The following TRIQK variants were observed in gnomAD, a reference collection of about 807,000 sequenced individuals.
The protein encoded by TRIQK is triple QxxK/R motif containing.
TRIQK carries 10 observed loss-of-function variants against 10.8 expected under a neutral mutation model. The ratio of observed to expected loss-of-function variants is 0.92; its 90% confidence interval spans 0.57 to 1.57. The LOEUF is 1.57. TRIQK is among the 40% of genes most tolerant of loss of function. The pLI, the probability that TRIQK is intolerant of heterozygous loss-of-function variation, is 0.00. For missense variants in TRIQK, 107 were observed against 97.7 expected, an observed-to-expected ratio of 1.09 and a Z score of -0.40; for synonymous variants, 33 against 33.7, an observed-to-expected ratio of 0.98 and a Z score of 0.07.
chr8:92,907,382 A>G (rs1809331697), intron 3 of TRIQK, among the ~76,000 whole-genome samples: 1 of 152,178 alleles, frequency 6.6e-6, no homozygotes, highest in Admixed American at 6.5e-5. Context: ...ATAGCTACCA[A>G]TTCAAGCAAA....
intron 4 of TRIQK, 47 bp from the exon 5 acceptor site, chr8:92,886,782 G>T: frequency 9.4e-7 from 1 of 1,058,486 alleles, no homozygotes; most frequent in Non-Finnish European, 1.4e-6. Context: ...AAAAAGATTG[G>T]TTAACATTAT....
chr8:93,003,965 G>T (rs1586529017), intron 1 of TRIQK, among the ~76,000 whole-genome samples: 1 of 152,216 alleles, frequency 6.6e-6, no homozygotes, highest in Non-Finnish European at 1.5e-5. Context: ...CTTGCAGGGT[G>T]CAGCCCCCAC....
At chr8:92,991,525 A>G (rs1300718614) in intron 1 of TRIQK, among the ~76,000 whole-genome samples, 1 of 152,148 alleles carries the variant, frequency 6.6e-6, no homozygotes, top group African/African-American at 2.4e-5. Context: ...AAGAGCTATT[A>G]ATGACAAACC....
intron 3 of TRIQK, among the ~76,000 whole-genome samples, chr8:92,914,956 A>C (rs1366412368): frequency 6.6e-6 from 1 of 152,210 alleles, no homozygotes; most frequent in African/African-American, 2.4e-5. Flanking sequence ...TATGGAAACA[A>C]CCTAAGTGTC....
At chr8:92,898,421 C>T (rs1808724023) in intron 3 of TRIQK, among the ~76,000 whole-genome samples, 1 of 152,132 alleles carries the variant, frequency 6.6e-6, no homozygotes, top group South Asian at 2.1e-4. Context: ...GCAGATATTA[C>T]TGAGATTCAC....
chr8:92,917,443 A>T (rs1489100382), intron 2 of TRIQK, among the ~76,000 whole-genome samples: 1 of 152,020 alleles, frequency 6.6e-6, no homozygotes, highest in African/African-American at 2.4e-5. Flanking sequence ...AGTATTTTGT[A>T]TTTTATTTTA....
At chr8:92,969,421 A>G (rs1272567333), upstream of TRIQK, among the ~76,000 whole-genome samples, 1 of 152,102 alleles carries the variant, frequency 6.6e-6, no homozygotes. Flanking sequence ...AAAATTATTG[A>G]CACATATATT....
At chr8:92,979,396 T>G (rs1812963352) in intron 1 of TRIQK, among the ~76,000 whole-genome samples, 1 of 152,132 alleles carries the variant, frequency 6.6e-6, no homozygotes, top group Non-Finnish European at 1.5e-5. Context: ...TTGTTTTCAC[T>G]GTGAAGAATT....
At chr8:92,979,332 G>A (rs62520825) in intron 1 of TRIQK, among the ~76,000 whole-genome samples, 15,399 of 152,128 alleles carry the variant, frequency 0.1, 1,841 homozygotes, top group African/African-American at 0.28. Flanking sequence ...CTCTCTGGAA[G>A]ATGCAGTTTG....
At chr8:92,907,326 G>A (rs1469760023) in intron 3 of TRIQK, among the ~76,000 whole-genome samples, 1 of 152,084 alleles carries the variant, frequency 6.6e-6, no homozygotes, top group East Asian at 1.9e-4. Flanking sequence ...TTTGTGAATG[G>A]TTTCTTCCAA....
intron 1 of TRIQK, among the ~76,000 whole-genome samples, chr8:92,990,446 C>T (rs997542935): frequency 6.6e-6 from 1 of 152,022 alleles, no homozygotes; most frequent in Non-Finnish European, 1.5e-5. Context: ...AAGAAGATCA[C>T]GTAGTTGTCG....
At chr8:92,947,611 A>G (rs967706186) in intron 2 of TRIQK, among the ~76,000 whole-genome samples, 2 of 142,100 alleles carry the variant, frequency 1.4e-5, no homozygotes, top group African/African-American at 5.3e-5. Flanking sequence ...AAAAAAAAAA[A>G]GCCTTCATTT....
intron 2 of TRIQK, among the ~76,000 whole-genome samples, chr8:92,921,023 C>T (rs1009194417): frequency 6.6e-6 from 1 of 151,596 alleles, no homozygotes; most frequent in Non-Finnish European, 1.5e-5. Context: ...TCAGTGGTCT[C>T]GTGAGCAGAG....
chr8:92,920,704 G>T (rs1446062891), intron 2 of TRIQK, among the ~76,000 whole-genome samples: 3 of 151,714 alleles, frequency 2.0e-5, no homozygotes, highest in Admixed American at 2.0e-4. Context: ...GTCTAGGAAA[G>T]AAATTGCACT....
chr8:92,934,159 T>C (rs1275862696), intron 2 of TRIQK, among the ~76,000 whole-genome samples: 1 of 151,940 alleles, frequency 6.6e-6, no homozygotes, highest in African/African-American at 2.4e-5. Context: ...GATTATCCCT[T>C]GACTAAATAA....
At chr8:92,924,020 T>G (rs1271434219) in intron 2 of TRIQK, among the ~76,000 whole-genome samples, 1 of 151,960 alleles carries the variant, frequency 6.6e-6, no homozygotes, top group East Asian at 1.9e-4. Flanking sequence ...TAAAAAAAGT[T>G]CAACCCATGT....
At chr8:92,978,291 A>G (rs1216987496) in intron 1 of TRIQK, among the ~76,000 whole-genome samples, 3 of 152,108 alleles carry the variant, frequency 2.0e-5, no homozygotes, top group African/African-American at 7.2e-5. Context: ...ACAGGCATTC[A>G]TAGCCCTTAT....
chr8:92,888,145 C>A (rs1214009341), intron 4 of TRIQK, among the ~76,000 whole-genome samples: 2 of 151,596 alleles, frequency 1.3e-5, no homozygotes, highest in African/African-American at 4.8e-5. Flanking sequence ...ACAAGTGACA[C>A]ACAACTGCAA....
chr8:92,943,857 C>A (rs1207687251), intron 2 of TRIQK, among the ~76,000 whole-genome samples: 4 of 151,872 alleles, frequency 2.6e-5, no homozygotes, highest in South Asian at 2.1e-4. Flanking sequence ...CTGCTAGAAG[C>A]TTTTTAGAAG....
Sources: allele counts gnomAD v4.1 joint callset (sites outside exome capture counted in the v4.1 genomes callset), GRCh38; gene constraint gnomAD v4.1.1; transcripts MANE v1.5; gene names NCBI Gene and HGNC (gene_info 2026-07-23, HGNC 2026-07-21).